XIRP2: variants seen among roughly 807,000 people sequenced by gnomAD.
XIRP2 encodes the protein xin actin binding repeat containing 2, also known as xin actin-binding repeat-containing protein 2.
In XIRP2, 236 loss-of-function variants were observed where a neutral mutation model predicts 277.0. The observed-to-expected ratio is 0.85, with a 90% CI of 0.77 to 0.95. The LOEUF (loss-of-function observed/expected upper bound fraction) is 0.95. Among genes scored for constraint, XIRP2 ranks in the 40% least tolerant of loss-of-function variants. The pLI is 0.00. For missense variants in XIRP2, 4,640 were observed against 4,157.5 expected (o/e 1.12, Z -3.19); for synonymous variants, 1,490 against 1,416.5 (o/e 1.05, Z -1.17).
At chr2:166,920,145 C>T (rs1334227424) in intron 2 of XIRP2, among the ~76,000 whole-genome samples, 2 of 152,142 alleles carry the variant, frequency 1.3e-5, no homozygotes, top group African/African-American at 4.8e-5. Context: ...AATGACTGAA[C>T]ACTGCGTATC....
At chr2:167,131,246 C>T (rs1184510784) in intron 2 of XIRP2, among the ~76,000 whole-genome samples, 3 of 152,150 alleles carry the variant, frequency 2.0e-5, no homozygotes. Flanking sequence ...GCTTTGGGTT[C>T]CATCCTCTTG....
chr2:166,996,475 GC>G (rs1467171491), intron 2 of XIRP2, among the ~76,000 whole-genome samples: 1 of 151,918 alleles, frequency 6.6e-6, no homozygotes, highest in East Asian at 1.9e-4. Flanking sequence ...TAATAAAAGT[GC>G]AAAAATTAGG....
chr2:167,053,629 A>G (rs1165120731), intron 2 of XIRP2, among the ~76,000 whole-genome samples: 1 of 152,190 alleles, frequency 6.6e-6, no homozygotes, highest in Non-Finnish European at 1.5e-5. Flanking sequence ...GTAGTAAAAA[A>G]GTTTTGTACC....
chr2:166,892,832 C>A (rs1392456473), intron 1 of XIRP2, among the ~76,000 whole-genome samples: 2 of 143,758 alleles, frequency 1.4e-5, no homozygotes, highest in Non-Finnish European at 3.0e-5. Flanking sequence ...TATATAACTT[C>A]TATGATATGT....
Position 167,244,070 on chromosome 2 carries a change from T to C in XIRP2, c.2678T>C (p.Ile893Thr). 2 of 1,613,776 alleles carry C rather than the reference T, an allele frequency of 1.2e-6. No individual in the cohort carries two copies. The highest frequency in any genetic ancestry group is 1.7e-6 in the Non-Finnish European group (2 of 1,179,874). The stretch of plus-strand genomic sequence containing the variant: ...GAAGCATTAAAAGACAGTCCTGATA[T>C]AGGAAAGCTTCAAAAAATCACTGCC... ...PIEALKDSPD[I>T]GKLQKITASE... The change falls in exon 9 of 11, where the codon ATA becomes ACA. Residue 893 changes from isoleucine (I) to threonine (T), a missense_variant. Transcript: ENST00000409195.
intron 2 of XIRP2, among the ~76,000 whole-genome samples, chr2:167,053,164 CT>C (rs1688957290): frequency 6.6e-6 from 1 of 152,164 alleles, no homozygotes; most frequent in South Asian, 2.1e-4. Flanking sequence ...ATATAATTAT[CT>C]TTTGAAGTTT....
rs1236659319 is a variant in XIRP2, at chr2:167,245,749, A to G, written c.4357A>G (p.Thr1453Ala). The G allele has an allele frequency of 5.0e-6, 8 of 1,613,660 alleles. No homozygotes were observed. The African/African-American group carries it at 5.3e-5, about 11-fold the overall frequency. ...EIQKGNVKTS[T>A]WLFETHTMDE... ...ACAAAAGGGCAATGTTAAAACATCT[A>G]CTTGGCTATTTGAAACCCACACTAT... Residue 1453 changes from threonine (T) to alanine (A), a missense_variant, in exon 9 of 11, where the codon ACT becomes GCT. Physicochemically the swap from Thr to Ala is moderately conservative, Grantham distance 58 (BLOSUM62 0). Coordinates refer to ENST00000409195, the MANE Select transcript of XIRP2 (RefSeq NM_152381.6).
intron 2 of XIRP2, among the ~76,000 whole-genome samples, chr2:167,011,284 G>A (rs1230809474): frequency 6.6e-6 from 1 of 151,472 alleles, no homozygotes; most frequent in African/African-American, 2.4e-5. Flanking sequence ...AGCATGAAGG[G>A]TTGTTGAATT....
At chr2:166,979,369 C>CTTTTTTTTTTTTTTTTTTTTTTTTTTT (rs66909002) in intron 2 of XIRP2, among the ~76,000 whole-genome samples, 1 of 108,524 alleles carries the variant, frequency 9.2e-6, no homozygotes, top group Non-Finnish European at 1.9e-5. Context: ...CTTTTCTTTT[C>CTTTTTTTTTTTTTTTTTTTTTTTTTTT]TTTTTTTTTT....
At chr2:167,160,617 A>G (rs781228788) in intron 3 of XIRP2, among the ~76,000 whole-genome samples, 34 of 152,154 alleles carry the variant, frequency 2.2e-4, no homozygotes, top group East Asian at 5.8e-4. Context: ...CTTATTCACT[A>G]TCATGAGAAC....
rs76028519 is a variant in XIRP2, at chr2:167,197,907, C to G, written c.563-12828C>G. Among the ~76,000 whole-genome samples, 1,065 of 152,032 alleles carry G rather than the reference C, an allele frequency of 7.0e-3. 17 individuals carry two copies. The highest frequency in any genetic ancestry group is 0.024 in the African/African-American group (1,003 of 41,462). On this transcript the variant is annotated intron_variant, in intron 3 of 10. Coordinates refer to ENST00000409195, the MANE Select transcript of XIRP2 (RefSeq NM_152381.6). ...ACTGATGTATCTGTCTTAATGTGCA[C>G]GGGAAAAATCAGGTTTCAATTTGAA...
At chr2:166,978,765 G>A (rs935914166) in intron 2 of XIRP2, among the ~76,000 whole-genome samples, 1 of 152,114 alleles carries the variant, frequency 6.6e-6, no homozygotes, top group Non-Finnish European at 1.5e-5. Flanking sequence ...AGGATCACTT[G>A]AGCCCAGAAG....
chr2:166,999,838 T>C (rs778827109), intron 2 of XIRP2, among the ~76,000 whole-genome samples: 11 of 152,144 alleles, frequency 7.2e-5, no homozygotes, highest in African/African-American at 1.2e-4. Context: ...TAATTTTGTA[T>C]AGAAAGGGGA....
intron 3 of XIRP2, among the ~76,000 whole-genome samples, chr2:167,166,377 A>G (rs553479828): frequency 6.6e-6 from 1 of 152,282 alleles, no homozygotes; most frequent in South Asian, 2.1e-4. Flanking sequence ...ATGGCCTAGA[A>G]TATGGTCTGT....
intron 3 of XIRP2, among the ~76,000 whole-genome samples, chr2:167,168,838 T>C (rs1236869918): frequency 6.6e-6 from 1 of 152,108 alleles, no homozygotes; most frequent in East Asian, 1.9e-4. Context: ...ATGATCTCGA[T>C]CTCCTGACCT....
chr2:166,935,748 T>G (rs1558921753), intron 2 of XIRP2, among the ~76,000 whole-genome samples: 1 of 152,278 alleles, frequency 6.6e-6, no homozygotes, highest in Admixed American at 6.6e-5. Context: ...GAACTCATCC[T>G]TTTTTGTGGC....
chr2:166,949,227 C>G (rs151301207), intron 2 of XIRP2, among the ~76,000 whole-genome samples: 345 of 152,114 alleles, frequency 2.3e-3, no homozygotes, highest in African/African-American at 7.5e-3. Context: ...CACAGTATAG[C>G]GATTCAAGAG....
intron 2 of XIRP2, among the ~76,000 whole-genome samples, chr2:167,099,066 G>C (rs1048931224): frequency 1.3e-5 from 2 of 152,202 alleles, no homozygotes; most frequent in African/African-American, 4.8e-5. Flanking sequence ...TTCAGAGCCA[G>C]CAGGAAGGAA....
Position 167,248,348 on chromosome 2 carries a change from T to C in XIRP2, c.6956T>C (p.Phe2319Ser), listed in dbSNP as rs770922546. The C allele has an allele frequency of 6.2e-7, 1 of 1,613,630 alleles. No homozygotes were observed. The highest frequency in any genetic ancestry group is 1.1e-5 in the South Asian group (1 of 91,066). Reference sequence around the variant, plus strand: ...CCTCCTCCACCTCCTTTGATGATGTTTCCTGAAAAAAATGGGTTTCTTCCC... The same window carrying C: ...CCTCCTCCACCTCCTTTGATGATGTCTCCTGAAAAAAATGGGTTTCTTCCC... The part of the protein sequence containing the change: ...PLPPPPPLMM[F>S]PEKNGFLPSL... The change falls in exon 9 of 11, where the codon TTT becomes TCT. Residue 2319 changes from phenylalanine (F) to serine (S), a missense_variant. Physicochemically the swap from Phe to Ser is radical, Grantham distance 155. Transcript: ENST00000409195.
Sources: gnomAD v4.1 joint callset for allele counts (sites outside exome capture counted in the v4.1 genomes callset) on GRCh38, gnomAD v4.1.1 for gene constraint, MANE v1.5 for transcripts, NCBI Gene and HGNC (gene_info 2026-07-23, HGNC 2026-07-21) for gene names.